PLA1A: variants seen among roughly 807,000 people sequenced by gnomAD.
PLA1A encodes phospholipase A1 member A.
PLA1A carries 47 observed loss-of-function variants against 49.4 expected under a neutral mutation model. The observed-to-expected ratio is 0.95, with a 90% CI of 0.75 to 1.21. The LOEUF (loss-of-function observed/expected upper bound fraction) is 1.21. PLA1A is among the 50% of genes most tolerant of loss of function. PLA1A has a pLI of 0.00. For synonymous variants in PLA1A, 224 were observed against 207.9 expected (o/e 1.08, Z -0.67); for missense variants, 561 against 563.9 (o/e 0.99, Z 0.05).
chr3:119,602,759 G>A (rs149730998), intron 1 of PLA1A, among the ~76,000 whole-genome samples: 1 of 152,238 alleles, frequency 6.6e-6, no homozygotes, highest in Non-Finnish European at 1.5e-5. Context: ...AGATTAGAAG[G>A]TGATGATTGC....
Position 119,628,764 on chromosome 3 carries a change from C to T in PLA1A, c.1185C>T (p.Asn395=), listed in dbSNP as rs56163046. The part of the protein sequence containing the change: ...IAHATPQCQI[N]QVKFKFQSSN... Reference sequence around the variant, plus strand: ...ATGCCACCCCACAATGCCAGATAAACCAAGTGAAATTCAAGTTTCAGTCTT... The same window carrying T: ...ATGCCACCCCACAATGCCAGATAAATCAAGTGAAATTCAAGTTTCAGTCTT... The change falls in exon 10 of 11, where the codon AAC becomes AAT. Residue 395 remains asparagine, a synonymous_variant. Transcript: ENST00000273371. 1.9e-6 allele frequency: 3 copies of T among 1,613,964 alleles called. No individual in the cohort carries two copies. Among genetic ancestry groups the T allele is most frequent in the Non-Finnish European group, 2.5e-6 (3 of 1,179,860 alleles).
rs774809265 is a variant in PLA1A at position 119,613,065 on chromosome 3, G to A, written c.611G>A (p.Arg204His). 18 of 1,608,854 alleles carry A rather than the reference G, an allele frequency of 1.1e-5. No individual in the cohort carries two copies. Among genetic ancestry groups the A allele is most frequent in the Middle Eastern group, 1.6e-4 (1 of 6,062 alleles). The change falls in exon 5 of 11, where the codon CGC (arginine) becomes CAC (histidine). Residue 204 changes from arginine (R) to histidine (H), a missense_variant. Arg to His is a conservative substitution (Grantham distance 29). Transcript: ENST00000273371. ...TACACCAGGGCCAGTGTGGAAGAGCGCTTGGATGCTGGAGATGCCCTCTTC... is the reference window on the plus strand; with the variant it reads ...TACACCAGGGCCAGTGTGGAAGAGCACTTGGATGCTGGAGATGCCCTCTTC... ...PEYTRASVEERLDAGDALFVE... is the reference protein window; with the variant it reads ...PEYTRASVEEHLDAGDALFVE...
At position 119,606,951 on chromosome 3, in the gene PLA1A, C is replaced by T; in HGVS notation, c.251C>T (p.Thr84Ile). Reference protein sequence around the residue: ...QNSGFNATLGTKLIIHGFRVL... With the variant: ...QNSGFNATLGIKLIIHGFRVL... Reference sequence around the variant, plus strand: ...TCTGGGTTCAATGCCACTCTGGGAACCAAACTAATTATCCATGGATTCAGG... The same window carrying T: ...TCTGGGTTCAATGCCACTCTGGGAATCAAACTAATTATCCATGGATTCAGG... Residue 84 changes from threonine (T) to isoleucine (I), a missense_variant, in exon 2 of 11, where the codon ACC becomes ATC. Transcript: ENST00000273371. The T allele has an allele frequency of 6.2e-7, 1 of 1,613,902 alleles. No homozygotes were observed. Among genetic ancestry groups the T allele is most frequent in the Non-Finnish European group, 8.5e-7 (1 of 1,179,784 alleles).
chr3:119,627,005 G>A (rs191871731), intron 9 of PLA1A, among the ~76,000 whole-genome samples: 14 of 152,270 alleles, frequency 9.2e-5, no homozygotes, highest in Middle Eastern at 3.4e-3. Context: ...CTGACTGCAC[G>A]TTAGAATCAC....
At chr3:119,618,210 C>G (rs1193765315) in intron 7 of PLA1A, 24 bp downstream of exon 7, 2 of 1,585,700 alleles carry the variant, frequency 1.3e-6, no homozygotes, top group Admixed American at 3.5e-5. Flanking sequence ...CCTTTGACTT[C>G]CTTTGACAAT....
At chr3:119,612,730 C>T (rs1410908904) in intron 4 of PLA1A, among the ~76,000 whole-genome samples, 3 of 152,138 alleles carry the variant, frequency 2.0e-5, no homozygotes, top group Non-Finnish European at 4.4e-5. Flanking sequence ...CCTCGTGATC[C>T]GCCTGCCTCG....
At chr3:119,625,790 T>C (rs1253620851) in intron 9 of PLA1A, among the ~76,000 whole-genome samples, 1 of 152,154 alleles carries the variant, frequency 6.6e-6, no homozygotes, top group Non-Finnish European at 1.5e-5. Flanking sequence ...CCTTCCTTTG[T>C]TGGGGCAGAC....
intron 9 of PLA1A, 113 bp from the exon 10 acceptor site, chr3:119,628,588 C>T: frequency 1.1e-6 from 1 of 885,554 alleles, no homozygotes; most frequent in Non-Finnish European, 1.8e-6. Context: ...GAGCTAACCC[C>T]TTGGTGCATG....
Position 119,628,773 on chromosome 3 carries a change from A to C in PLA1A, c.1194A>C (p.Lys398Asn). 1 of 1,614,128 alleles carries C rather than the reference A, an allele frequency of 6.2e-7. No individual in the cohort carries two copies. The highest frequency in any genetic ancestry group is 8.5e-7 in the Non-Finnish European group (1 of 1,179,958). ...ATPQCQINQV[K>N]FKFQSSNRVW... The stretch of plus-strand genomic sequence containing the variant: ...CACAATGCCAGATAAACCAAGTGAA[A>C]TTCAAGTTTCAGTCTTCCAACCGAG... Residue 398 changes from lysine (K) to asparagine (N), a missense_variant, in exon 10 of 11, where the codon AAA becomes AAC. By Grantham distance (94) the Lys-to-Asn change is moderately conservative. Transcript: ENST00000273371.
At chr3:119,607,138 C>T (rs375064217) in intron 2 of PLA1A, 163 bp downstream of exon 2, 9 of 632,188 alleles carry the variant, frequency 1.4e-5, no homozygotes, top group African/African-American at 7.3e-5. Context: ...TGTCAACATG[C>T]ACACATGGTG....
In PLA1A at chr3:119,629,536, ATG is replaced by A; in HGVS notation, c.*77_*78del. 1.2e-6 allele frequency: 1 copy of A among 813,496 alleles called. No homozygotes were observed. Among genetic ancestry groups the A allele is most frequent in the South Asian group, 1.3e-5 (1 of 74,254 alleles). 50.4% of individuals were successfully genotyped at this position (813,496 alleles called of 1,614,324 possible). A position where few individuals can be genotyped will look rare whatever the true frequency, so the allele number is the denominator to read the frequency against. ...TTTTGAGAGAGAGGTGTGATGAGGG[ATG>A]TGTGTGTGCAGCTTATTGTAGACCA... On this transcript the variant is annotated 3_prime_UTR_variant, in exon 11 of 11. Transcript: ENST00000273371.
chr3:119,619,517 A>T (rs1195828455), intron 7 of PLA1A, 46 bp from the exon 8 acceptor site: 1 of 1,358,848 alleles, frequency 7.4e-7, no homozygotes, highest in Non-Finnish European at 1.1e-6. Context: ...TGGGACCCTA[A>T]GATAGCCTTC....
At chr3:119,628,296 A>G (rs1311684468) in intron 9 of PLA1A, among the ~76,000 whole-genome samples, 1 of 152,234 alleles carries the variant, frequency 6.6e-6, no homozygotes, top group South Asian at 2.1e-4. Flanking sequence ...ATTCATACTT[A>G]GCCTAAAACA....
intron 8 of PLA1A, 25 bp from the exon 9 acceptor site, chr3:119,625,099 T>C: frequency 1.3e-6 from 2 of 1,483,676 alleles, no homozygotes; most frequent in Non-Finnish European, 1.9e-6. Flanking sequence ...CTCTGGCCAG[T>C]CTCTGTTGTG....
In PLA1A at chr3:119,599,461, C is replaced by T. The variant is rs142117475; in HGVS notation, c.73+1475C>T. On this transcript the variant is annotated intron_variant, in intron 1 of 10. Coordinates refer to ENST00000273371, the MANE Select transcript of PLA1A (RefSeq NM_015900.4). Reference sequence around the variant, plus strand: ...GTCCCTGCTCAGGAGCCCCAGGCCTCCTTAGGGGCTGGAAGGCATTTGCTA... The same window carrying T: ...GTCCCTGCTCAGGAGCCCCAGGCCTTCTTAGGGGCTGGAAGGCATTTGCTA... 3.1e-3 allele frequency among the ~76,000 whole-genome samples: 464 copies of T among 152,108 alleles called. 1 individual carries two copies. Among genetic ancestry groups the T allele is most frequent in the African/African-American group, 9.5e-3 (393 of 41,510 alleles).
intron 10 of PLA1A, among the ~76,000 whole-genome samples, chr3:119,629,079 A>G (rs1023196550): frequency 6.6e-6 from 1 of 152,140 alleles, no homozygotes; most frequent in Non-Finnish European, 1.5e-5. Flanking sequence ...TTTGGTTTCT[A>G]TGTAAGATTT....
At chr3:119,618,221 G>A in intron 7 of PLA1A, 35 bp downstream of exon 7, 2 of 1,559,422 alleles carry the variant, frequency 1.3e-6, no homozygotes, top group Non-Finnish European at 1.7e-6. Context: ...CTTTGACAAT[G>A]TGGGGAAGTT....
chr3:119,604,850 T>TA (rs1277647062), intron 1 of PLA1A, among the ~76,000 whole-genome samples: 1 of 152,122 alleles, frequency 6.6e-6, no homozygotes, highest in Non-Finnish European at 1.5e-5. Flanking sequence ...TGTCCTATTG[T>TA]AAAAAAATGG....
At chr3:119,620,251 T>C in intron 8 of PLA1A, 4 of 429,412 alleles carry the variant, frequency 9.3e-6, no homozygotes, top group South Asian at 6.8e-5. Context: ...AGGGTGACTA[T>C]ACTTCCTGGT....
Sources: gnomAD v4.1 joint callset for allele counts (sites outside exome capture counted in the v4.1 genomes callset) on GRCh38, gnomAD v4.1.1 for gene constraint, MANE v1.5 for transcripts, NCBI Gene and HGNC (gene_info 2026-07-23, HGNC 2026-07-21) for gene names.